The following SKAP2 variants were observed in gnomAD, a reference collection of about 807,000 sequenced individuals.
SKAP2 encodes the protein src kinase-associated phosphoprotein 2.
SKAP2 carries 28 observed loss-of-function variants against 54.9 expected under a neutral mutation model. The observed-to-expected ratio is 0.51, with a 90% CI of 0.38 to 0.70. SKAP2 has a LOEUF of 0.70. Among genes scored for constraint, SKAP2 ranks in the 30% least tolerant of loss-of-function variants. SKAP2 has a pLI of 0.00. For synonymous variants in SKAP2, 137 were observed against 134.3 expected (o/e 1.02, Z -0.14); for missense variants, 356 against 424.1 (o/e 0.84, Z 1.41).
intron 9 of SKAP2, among the ~76,000 whole-genome samples, chr7:26,713,297 T>A (rs376555683): frequency 1.3e-5 from 2 of 152,348 alleles, no homozygotes; most frequent in South Asian, 4.1e-4. Context: ...TATCCTCTTA[T>A]CTTGTGTCAC....
chr7:26,771,955 T>G (rs1356586159), intron 4 of SKAP2, among the ~76,000 whole-genome samples: 1 of 152,200 alleles, frequency 6.6e-6, no homozygotes, highest in East Asian at 1.9e-4. Flanking sequence ...AAAGTTTTAT[T>G]CATCTTCCTA....
intron 4 of SKAP2, among the ~76,000 whole-genome samples, chr7:26,763,830 CT>C (rs1208952859): frequency 6.6e-6 from 1 of 152,132 alleles, no homozygotes; most frequent in African/African-American, 2.4e-5. Context: ...TACAAACCCC[CT>C]ATAGCATGTT....
intron 4 of SKAP2, among the ~76,000 whole-genome samples, chr7:26,837,005 A>G (rs1421812422): frequency 6.6e-6 from 1 of 152,248 alleles, no homozygotes; most frequent in Non-Finnish European, 1.5e-5. Flanking sequence ...CTATGCAGCC[A>G]TAAAAAAGGA....
chr7:26,684,844 AT>A lies in SKAP2; in HGVS notation c.878del (p.Asp293ValfsTer31). 6.3e-7 allele frequency: 1 copy of A among 1,587,046 alleles called. No individual in the cohort carries two copies. Among genetic ancestry groups the A allele is most frequent in the Non-Finnish European group, 8.6e-7 (1 of 1,157,098 alleles). ...SQDSVHHTSG[D>X]KSTDYANFYQ... The stretch of plus-strand genomic sequence containing the variant: ...AAAAATTAGCATAATCAGTGCTCTT[AT>A]CCCCTAGGAAGAAGAAAGAGAAAGC... On this transcript the variant is annotated frameshift_variant, in exon 11 of 13. Coordinates refer to ENST00000345317, the MANE Select transcript of SKAP2 (RefSeq NM_003930.5). LOFTEE classifies it high-confidence loss of function.
At chr7:26,763,571 T>TAGTGG (rs1782980439) in intron 4 of SKAP2, among the ~76,000 whole-genome samples, 1 of 152,184 alleles carries the variant, frequency 6.6e-6, no homozygotes, top group Non-Finnish European at 1.5e-5. Flanking sequence ...TACTTTGAGA[T>TAGTGG]GACGTAAAAT....
At chr7:26,774,499 T>G (rs555864752) in intron 4 of SKAP2, among the ~76,000 whole-genome samples, 1 of 149,148 alleles carries the variant, frequency 6.7e-6, no homozygotes, top group Admixed American at 6.7e-5. Context: ...CAAGATCAAG[T>G]TGTGTGTGTG....
intron 9 of SKAP2, among the ~76,000 whole-genome samples, chr7:26,692,468 T>A (rs911606490): frequency 9.2e-5 from 14 of 152,160 alleles, no homozygotes; most frequent in African/African-American, 3.4e-4. Flanking sequence ...AAAATCAGCA[T>A]TTCAACCAAG....
rs192035676 is a variant in SKAP2 at position 26,776,941 on chromosome 7, T to C, written c.308-36977A>G. On this transcript the variant is annotated intron_variant, in intron 4 of 12. Coordinates refer to ENST00000345317, the MANE Select transcript of SKAP2 (RefSeq NM_003930.5). ...ACATCTACATCCTGTGCTGTCATCA[T>C]TCCAAACTACATGCCATTCCCAAAT... is the stretch of plus-strand genomic sequence containing the variant. 8.5e-5 allele frequency among the ~76,000 whole-genome samples: 13 copies of C among 152,292 alleles called. No homozygotes were observed. The East Asian group carries it at 2.3e-3, about 27-fold the overall frequency.
At chr7:26,808,977 G>A (rs181742374) in intron 4 of SKAP2, among the ~76,000 whole-genome samples, 4 of 152,200 alleles carry the variant, frequency 2.6e-5, no homozygotes, top group East Asian at 1.9e-4. Flanking sequence ...GTTTCTGTAC[G>A]GCAAAGGAAA....
chr7:26,854,487 C>T (rs1367536551), intron 2 of SKAP2, among the ~76,000 whole-genome samples: 2 of 151,854 alleles, frequency 1.3e-5, no homozygotes, highest in Non-Finnish European at 2.9e-5. Flanking sequence ...TATTAAAGTC[C>T]TCAATCCACC....
intron 6 of SKAP2, among the ~76,000 whole-genome samples, chr7:26,733,975 T>C (rs569702688): frequency 1.9e-4 from 29 of 152,228 alleles, no homozygotes; most frequent in African/African-American, 6.7e-4. Flanking sequence ...ATCATAATGT[T>C]GATTCAAGAT....
chr7:26,678,075 C>T (rs1786395629), intron 11 of SKAP2, among the ~76,000 whole-genome samples: 1 of 152,192 alleles, frequency 6.6e-6, no homozygotes, highest in Admixed American at 6.5e-5. Context: ...GCTGCGTATC[C>T]TCAGATAATT....
chr7:26,820,255 TC>T (rs900275557), intron 4 of SKAP2, among the ~76,000 whole-genome samples: 15 of 152,322 alleles, frequency 9.8e-5, no homozygotes, highest in Middle Eastern at 6.8e-3. Flanking sequence ...CAAAACATAA[TC>T]CTTCCACTTG....
intron 4 of SKAP2, among the ~76,000 whole-genome samples, chr7:26,817,236 T>C (rs1784284468): frequency 6.6e-6 from 1 of 151,982 alleles, no homozygotes; most frequent in South Asian, 2.1e-4. Flanking sequence ...TTCACAGGAG[T>C]GTATACATTC....
intron 9 of SKAP2, among the ~76,000 whole-genome samples, chr7:26,720,850 C>T (rs902406790): frequency 2.0e-5 from 3 of 152,118 alleles, no homozygotes; most frequent in Non-Finnish European, 1.5e-5. Context: ...CCTGGTCCCT[C>T]CCAGGACACA....
intron 11 of SKAP2, among the ~76,000 whole-genome samples, chr7:26,671,048 T>A (rs1363681718): frequency 1.3e-5 from 2 of 152,078 alleles, no homozygotes; most frequent in African/African-American, 4.8e-5. Flanking sequence ...TTTCTCCCAC[T>A]TTTTCCTCCT....
chr7:26,727,048 T>A (rs188772129), intron 6 of SKAP2, 42 bp from the exon 7 acceptor site: 3 of 1,459,202 alleles, frequency 2.1e-6, no homozygotes, highest in Non-Finnish European at 2.8e-6. Context: ...TTACTAAGTA[T>A]TAATGCTCAA....
chr7:26,861,390 A>C (rs1371667096), intron 1 of SKAP2, among the ~76,000 whole-genome samples: 7 of 152,138 alleles, frequency 4.6e-5, no homozygotes, highest in African/African-American at 1.7e-4. Flanking sequence ...AAAAGAAAAA[A>C]ATCAAAGGTT....
chr7:26,857,544 A>T, intron 1 of SKAP2: 1 of 985,354 alleles, frequency 1.0e-6, no homozygotes, highest in Non-Finnish European at 1.2e-6. Context: ...TGAGCAACAC[A>T]CCGATCCTGA....
Sources: gnomAD v4.1 joint callset for allele counts (sites outside exome capture counted in the v4.1 genomes callset) on GRCh38, gnomAD v4.1.1 for gene constraint, MANE v1.5 for transcripts, NCBI Gene and HGNC (gene_info 2026-07-23, HGNC 2026-07-21) for gene names.